CCDC14: variants seen among roughly 807,000 people sequenced by gnomAD.
CCDC14 encodes the protein coiled-coil domain-containing protein 14.
In CCDC14, 71 loss-of-function variants were observed where a neutral mutation model predicts 81.4. The observed-to-expected ratio is 0.87, with a 90% confidence interval of 0.72 to 1.06. The LOEUF is 1.06. Ranked by LOEUF, CCDC14 falls within the 50% of genes least tolerant of loss-of-function variation. The pLI is 0.00. For synonymous variants in CCDC14, 332 were observed against 364.8 expected, an observed-to-expected ratio of 0.91 and a Z score of 1.03; for missense variants, 1,046 against 1,047.3, an observed-to-expected ratio of 1.00 and a Z score of 0.02.
chr3:123,908,818 G>A (rs2034379779), downstream of CCDC14, among the ~76,000 whole-genome samples: 1 of 152,040 alleles, frequency 6.6e-6, no homozygotes. Context: ...GAGGGGTGAT[G>A]TTAGAATATA....
rs537157712 is a variant in CCDC14, at chr3:123,934,839, C to G, written c.1344-1084G>C. ...TCACATCACTCACATATATTAATTT[C>G]GAGTTGATTAAAGTGATAAAATATG... On this transcript the variant is annotated intron_variant, in intron 9 of 12. Coordinates refer to ENST00000409697, the MANE Select transcript of CCDC14 (RefSeq NM_001366335.1). Among the ~76,000 whole-genome samples the G allele has an allele frequency of 5.3e-5, 8 of 152,128 alleles. No individual in the cohort carries two copies. In the South Asian group the frequency reaches 1.5e-3, roughly 28 times the overall value.
At chr3:123,921,144 CA>C (rs2035020874) in intron 12 of CCDC14, among the ~76,000 whole-genome samples, 1 of 152,106 alleles carries the variant, frequency 6.6e-6, no homozygotes, top group African/African-American at 2.4e-5. Flanking sequence ...AAAGGATCTA[CA>C]AAACAATTAC....
At chr3:123,903,014 T>C (rs546106769) in intron 5 of CCDC14, among the ~76,000 whole-genome samples, 1 of 152,252 alleles carries the variant, frequency 6.6e-6, no homozygotes, top group South Asian at 2.1e-4. Flanking sequence ...TTTCCCTCCC[T>C]GTGTCTATGT....
intron 12 of CCDC14, among the ~76,000 whole-genome samples, chr3:123,928,666 T>C (rs2035528691): frequency 6.6e-6 from 1 of 152,198 alleles, no homozygotes; most frequent in South Asian, 2.1e-4. Context: ...TAATACAAAA[T>C]TAATGTTTGT....
intron 12 of CCDC14, among the ~76,000 whole-genome samples, chr3:123,926,309 T>C (rs1347014162): frequency 6.6e-6 from 1 of 151,894 alleles, no homozygotes; most frequent in African/African-American, 2.4e-5. Context: ...AAGGAAGGAA[T>C]ATGAGCACCT....
chr3:123,923,749 T>C (rs1173695472), intron 12 of CCDC14, among the ~76,000 whole-genome samples: 2 of 150,870 alleles, frequency 1.3e-5, no homozygotes, highest in African/African-American at 4.9e-5. Context: ...ACATATATTA[T>C]TAGTATATAC....
At chr3:123,940,643 C>A (rs1166460112) in intron 9 of CCDC14, among the ~76,000 whole-genome samples, 1 of 152,028 alleles carries the variant, frequency 6.6e-6, no homozygotes, top group Admixed American at 6.6e-5. Flanking sequence ...TGCATTCACA[C>A]ACTCTACCTT....
At chr3:123,953,437 A>G (rs780559555) in intron 5 of CCDC14, 23 of 152,150 alleles carry the variant, frequency 1.5e-4, no homozygotes, top group African/African-American at 3.6e-4. Flanking sequence ...TATCACCCCA[A>G]TGGGAACTAG....
rs750323203 is a variant in CCDC14, at chr3:123,931,112, C to A, written c.1768G>T (p.Glu590Ter). Residue 590 changes from glutamate (E) to a stop codon, truncating the protein, a stop_gained, in exon 12 of 13, where the codon GAA becomes TAA. Coordinates refer to ENST00000409697, the MANE Select transcript of CCDC14 (RefSeq NM_001366335.1). LOFTEE classifies it low-confidence loss of function (END_TRUNC). Reference protein sequence around the residue: ...QRDAEVTRLRELTRTLQTSMA... With the variant: ...QRDAEVTRLR ...GGAAGTCAATTTTACCTGGTTAATT[C>A]TCTTAGTCGAGTCACCTCAGCATCA... 9 of 1,581,426 alleles carry A rather than the reference C, an allele frequency of 5.7e-6. No homozygotes were observed. Among genetic ancestry groups the A allele is most frequent in the African/African-American group, 1.4e-5 (1 of 73,002 alleles).
intron 12 of CCDC14, among the ~76,000 whole-genome samples, chr3:123,918,952 TA>T (rs1320801737): frequency 1.3e-5 from 2 of 152,108 alleles, no homozygotes; most frequent in Non-Finnish European, 2.9e-5. Flanking sequence ...CCCCAACCCT[TA>T]AGCAGAGTCT....
chr3:123,926,532 TATTTA>T (rs915335632), intron 12 of CCDC14, among the ~76,000 whole-genome samples: 1 of 147,098 alleles, frequency 6.8e-6, no homozygotes, highest in Non-Finnish European at 1.5e-5. Flanking sequence ...TGTTATATAT[TATTTA>T]ATTTATATAT....
chr3:123,945,903 C>T (rs1444366187), intron 8 of CCDC14, among the ~76,000 whole-genome samples: 1 of 151,994 alleles, frequency 6.6e-6, no homozygotes, highest in Non-Finnish European at 1.5e-5. Context: ...GGTAACAGTA[C>T]CACATAGGGC....
chr3:123,925,025 T>C (rs1240315516), intron 12 of CCDC14, among the ~76,000 whole-genome samples: 1 of 151,578 alleles, frequency 6.6e-6, no homozygotes, highest in Non-Finnish European at 1.5e-5. Context: ...GTAGCATTAT[T>C]CACAATAGCC....
At chr3:123,944,125 G>C (rs2036503347) in intron 9 of CCDC14, among the ~76,000 whole-genome samples, 1 of 152,122 alleles carries the variant, frequency 6.6e-6, no homozygotes, top group African/African-American at 2.4e-5. Context: ...AATTGAACTG[G>C]AGGACACCCA....
At chr3:123,888,130 T>C in the CCDC14 span, among the ~76,000 whole-genome samples, 1 of 152,190 alleles carries the variant, frequency 6.6e-6, no homozygotes, top group African/African-American at 2.4e-5. Context: ...TCTGAGTTTC[T>C]CTAATTCTGA....
At chr3:123,931,990 C>T (rs529064869) in intron 10 of CCDC14, among the ~76,000 whole-genome samples, 219 of 152,168 alleles carry the variant, frequency 1.4e-3, no homozygotes, top group Non-Finnish European at 2.7e-3. Flanking sequence ...TCTAACTTTG[C>T]CTTTTTTTCC....
In CCDC14 at chr3:123,915,320, A is replaced by G. The variant is rs2034603463; in HGVS notation, c.2177T>C (p.Leu726Ser). 4 of 1,613,840 alleles carry G rather than the reference A, an allele frequency of 2.5e-6. No individual in the cohort carries two copies. The highest frequency in any genetic ancestry group is 3.4e-6 in the Non-Finnish European group (4 of 1,179,908). ...TMALIEDEHNLDNTIYIPFAR... is the reference protein window; with the variant it reads ...TMALIEDEHNSDNTIYIPFAR... ...AAAAGGAATGTAAATTGTATTATCC[A>G]AATTATGCTCATCTTCTATTAAAGC... The change falls in exon 13 of 13, where the codon TTG becomes TCG. Residue 726 changes from leucine to serine, a missense_variant. Coordinates refer to ENST00000409697, the MANE Select transcript of CCDC14 (RefSeq NM_001366335.1).
At chr3:123,889,668 C>G in the CCDC14 span, among the ~76,000 whole-genome samples, 1 of 152,194 alleles carries the variant, frequency 6.6e-6, no homozygotes, top group Non-Finnish European at 1.5e-5. Context: ...TTTCCAGGTG[C>G]ATGGTGCAAA....
chr3:123,947,963 ATGTTTTTAATAAAGTATTAAG>A (rs1371755128), intron 7 of CCDC14, among the ~76,000 whole-genome samples: 1 of 152,158 alleles, frequency 6.6e-6, no homozygotes, highest in Non-Finnish European at 1.5e-5. Context: ...ATTAATAAAC[ATGTTTTTAATAAAGTATTAAG>A]TGAAAGCAGC....
Sources: allele counts gnomAD v4.1 joint callset (sites outside exome capture counted in the v4.1 genomes callset), GRCh38; gene constraint gnomAD v4.1.1; transcripts MANE v1.5; gene names NCBI Gene and HGNC (gene_info 2026-07-23, HGNC 2026-07-21).